Variants in WRN observed in about 807,000 individuals in gnomAD.
WRN encodes bifunctional 3'-5' exonuclease/ATP-dependent helicase WRN.
A neutral mutation model predicts 180.7 loss-of-function variants in WRN; 149 were observed. That is an observed-to-expected ratio of 0.82 (90% CI 0.72 to 0.94). The LOEUF (loss-of-function observed/expected upper bound fraction) is 0.94, where lower values mean the gene tolerates loss of function less well. WRN is among the 40% of genes least tolerant of loss of function. The pLI is 0.00. For synonymous variants in WRN, 548 were observed against 568.9 expected (o/e 0.96, Z 0.52); for missense variants, 1,661 against 1,700.1 (o/e 0.98, Z 0.40).
chr8:31,085,996 T>C (rs186600592), intron 11 of WRN, among the ~76,000 whole-genome samples: 16 of 152,150 alleles, frequency 1.1e-4, no homozygotes, highest in African/African-American at 3.9e-4. Context: ...AATGGTTCAG[T>C]TTTACTCTTA....
At chr8:31,146,034 C>T (rs1197753817) in intron 28 of WRN, among the ~76,000 whole-genome samples, 3 of 151,682 alleles carry the variant, frequency 2.0e-5, no homozygotes, top group Admixed American at 2.0e-4. Flanking sequence ...AAATTAGTGG[C>T]TTATGACAAG....
rs1394452074 is a variant in WRN, at chr8:31,081,119, A to G, written c.1092A>G (p.Gly364=). ...AACATGATGGAGAAGATGTACTTGG[A>G]AATAAAGTGGAACGAAAAGAAGATG... The part of the protein sequence containing the change: ...LAKHDGEDVL[G]NKVERKEDGF... Residue 364 remains glycine (G), a synonymous_variant, in exon 9 of 35, where the codon GGA becomes GGG. Transcript: ENST00000298139. 1 of 1,614,100 alleles carries G rather than the reference A, an allele frequency of 6.2e-7. No individual in the cohort carries two copies. Among genetic ancestry groups the G allele is most frequent in the Admixed American group, 1.7e-5 (1 of 60,034 alleles).
At chr8:31,113,828 A>G (rs948178564) in intron 19 of WRN, among the ~76,000 whole-genome samples, 2 of 152,058 alleles carry the variant, frequency 1.3e-5, no homozygotes, top group Non-Finnish European at 2.9e-5. Context: ...CCCAACAGAT[A>G]CCCCTCTCCC....
At chr8:31,101,058 CA>C in intron 18 of WRN, 103 bp downstream of exon 18, 1 of 895,252 alleles carries the variant, frequency 1.1e-6, no homozygotes, top group Non-Finnish European at 1.8e-6. Context: ...TATAAAAGAG[CA>C]AATGGATAAT....
At chr8:31,036,521 T>G (rs933788752) in intron 1 of WRN, among the ~76,000 whole-genome samples, 2 of 152,214 alleles carry the variant, frequency 1.3e-5, no homozygotes, top group Admixed American at 1.3e-4. Context: ...ACACTTATCT[T>G]TTGTCTTTTT....
intron 8 of WRN, among the ~76,000 whole-genome samples, chr8:31,076,796 G>GCATT (rs966672943): frequency 7.3e-4 from 111 of 152,090 alleles, no homozygotes; most frequent in African/African-American, 2.3e-3. Flanking sequence ...AGAACAAAAG[G>GCATT]CATTCCAATT....
Position 31,099,383 on chromosome 8 carries a change from A to AAAGGAAGGAAGGAAGGAAGG in WRN, c.1982-1451_1982-1432dup, listed in dbSNP as rs564093090. Among the ~76,000 whole-genome samples, 270 of 147,310 alleles carry AAAGGAAGGAAGGAAGGAAGG rather than the reference A, an allele frequency of 1.8e-3. 2 individuals are homozygous for AAAGGAAGGAAGGAAGGAAGG. The highest frequency in any genetic ancestry group is 6.6e-3 in the African/African-American group (261 of 39,268). On this transcript the variant is annotated intron_variant, in intron 17 of 34. Transcript: ENST00000298139. ...TGCGCCACTGCACTTTAGCCTAAGA[A>AAAGGAAGGAAGGAAGGAAGG]AAGGAAGGAAGGAAGGAAGGAAGGA...
intron 29 of WRN, 75 bp from the exon 30 acceptor site, chr8:31,147,289 C>T: frequency 2.0e-6 from 3 of 1,499,546 alleles, no homozygotes; most frequent in Non-Finnish European, 1.9e-6. Context: ...AATGTGGTAT[C>T]TGAAGCTCTA....
chr8:31,075,346 G>A (rs1813056457), intron 7 of WRN, among the ~76,000 whole-genome samples: 2 of 152,198 alleles, frequency 1.3e-5, no homozygotes, highest in Non-Finnish European at 2.9e-5. Context: ...GCTTTGTGCT[G>A]TTGATGGCAA....
At chr8:31,135,455 G>C (rs1802363019) in intron 24 of WRN, among the ~76,000 whole-genome samples, 2 of 152,132 alleles carry the variant, frequency 1.3e-5, no homozygotes, top group Admixed American at 1.3e-4. Flanking sequence ...GGGATTCAAA[G>C]CTAAATTAGA....
intron 33 of WRN, among the ~76,000 whole-genome samples, chr8:31,159,388 G>T (rs1803518874): frequency 6.6e-6 from 1 of 151,992 alleles, no homozygotes; most frequent in Non-Finnish European, 1.5e-5. Flanking sequence ...GGTGGGAAGG[G>T]ACAGTGGTTG....
Position 31,096,869 on chromosome 8 carries a change from T to G in WRN, c.1981+19T>G. ...GATATTGGTAAGTGATAAAGAAAGATCTCTGTAAATACTTACTGAGTTAAT... is the reference window on the plus strand; with the variant it reads ...GATATTGGTAAGTGATAAAGAAAGAGCTCTGTAAATACTTACTGAGTTAAT... On this transcript the variant is annotated intron_variant, in intron 17 of 34. Coordinates refer to ENST00000298139, the MANE Select transcript of WRN (RefSeq NM_000553.6). The G allele has an allele frequency of 6.2e-7, 1 of 1,600,022 alleles. No individual in the cohort carries two copies. Among genetic ancestry groups the G allele is most frequent in the Non-Finnish European group, 8.6e-7 (1 of 1,167,614 alleles).
intron 24 of WRN, among the ~76,000 whole-genome samples, chr8:31,136,935 A>T (rs537798654): frequency 5.9e-5 from 9 of 152,296 alleles, no homozygotes; most frequent in Admixed American, 5.9e-4. Context: ...TTTTACTCTT[A>T]TCAGTGGACA....
chr8:31,045,723 G>A (rs940491129), intron 1 of WRN, among the ~76,000 whole-genome samples: 1 of 152,060 alleles, frequency 6.6e-6, no homozygotes, highest in African/African-American at 2.4e-5. Context: ...AATTACTGTA[G>A]TTTTAAAAGT....
At chr8:31,156,975 AC>A (rs2130478623) in intron 32 of WRN, among the ~76,000 whole-genome samples, 1 of 152,222 alleles carries the variant, frequency 6.6e-6, no homozygotes, top group East Asian at 1.9e-4. Flanking sequence ...TAACCAAACC[AC>A]CATGTGTTAT....
At chr8:31,035,303 T>G (rs1811409101) in intron 1 of WRN, among the ~76,000 whole-genome samples, 1 of 151,870 alleles carries the variant, frequency 6.6e-6, no homozygotes. Context: ...TGGGGGGCTG[T>G]AGGGAGCTGC....
chr8:31,127,601 C>G (rs1563367576), intron 23 of WRN, among the ~76,000 whole-genome samples: 1 of 150,470 alleles, frequency 6.6e-6, no homozygotes, highest in Non-Finnish European at 1.5e-5. Flanking sequence ...AAAACAAAAA[C>G]AAAAAAAATA....
chr8:31,055,888 C>T (rs1035713776), intron 1 of WRN, among the ~76,000 whole-genome samples: 10 of 152,160 alleles, frequency 6.6e-5, no homozygotes, highest in Non-Finnish European at 1.3e-4. Flanking sequence ...ACAATCCTCA[C>T]GTATGGTAAA....
intron 8 of WRN, among the ~76,000 whole-genome samples, chr8:31,079,894 A>T (rs965854319): frequency 6.6e-6 from 1 of 151,024 alleles, no homozygotes; most frequent in African/African-American, 2.4e-5. Context: ...TTTTTTTTTG[A>T]AACAGAGTAT....
Sources: gnomAD v4.1 joint callset for allele counts (sites outside exome capture counted in the v4.1 genomes callset) on GRCh38, gnomAD v4.1.1 for gene constraint, MANE v1.5 for transcripts, NCBI Gene and HGNC (gene_info 2026-07-23, HGNC 2026-07-21) for gene names.